FOXP2: variants seen among roughly 807,000 people sequenced by gnomAD.
The protein encoded by FOXP2 is forkhead box P2.
In FOXP2, 12 loss-of-function variants were observed where a neutral mutation model predicts 115.8. That is an observed-to-expected ratio of 0.10 (90% CI 0.07 to 0.17). FOXP2 has a LOEUF of 0.17. Among genes scored for constraint, FOXP2 ranks in the 10% least tolerant of loss-of-function variants. The pLI, the probability that FOXP2 is intolerant of heterozygous loss-of-function variation, is 1.00. For missense variants in FOXP2, 629 were observed against 843.5 expected, an observed-to-expected ratio of 0.75 and a Z score of 3.15; for synonymous variants, 328 against 297.7, an observed-to-expected ratio of 1.10 and a Z score of -1.05.
chr7:114,646,827 A>C (rs529881993), intron 8 of FOXP2, among the ~76,000 whole-genome samples: 2 of 147,722 alleles, frequency 1.4e-5, no homozygotes, highest in East Asian at 1.9e-4. Context: ...TCGGTTATTC[A>C]AAAAAAGTTT....
At chr7:114,368,675 CACAT>C (rs1230950457) in intron 2 of FOXP2, among the ~76,000 whole-genome samples, 7 of 152,140 alleles carry the variant, frequency 4.6e-5, no homozygotes, top group Admixed American at 4.6e-4. Context: ...ACATTCCAGA[CACAT>C]ACACAGTTTC....
intron 1 of FOXP2, among the ~76,000 whole-genome samples, chr7:114,214,008 C>A (rs1188688794): frequency 2.0e-5 from 3 of 152,180 alleles, no homozygotes; most frequent in Non-Finnish European, 4.4e-5. Context: ...TAGGATACTA[C>A]CACAAATTTC....
intron 1 of FOXP2, among the ~76,000 whole-genome samples, chr7:114,148,045 A>G (rs796760740): frequency 2.6e-5 from 4 of 152,326 alleles, no homozygotes; most frequent in African/African-American, 9.6e-5. Flanking sequence ...CAGAGAGGCC[A>G]AGACTATTAG....
At chr7:114,658,025 T>C (rs1554440645) in intron 10 of FOXP2, 41 bp from the exon 11 acceptor site, 1 of 1,609,560 alleles carries the variant, frequency 6.2e-7, no homozygotes, top group South Asian at 1.1e-5. Flanking sequence ...CTTTTTCTCT[T>C]GTCTCTACCT....
At chr7:114,103,960 A>C (rs918034016) in intron 1 of FOXP2, among the ~76,000 whole-genome samples, 1 of 151,804 alleles carries the variant, frequency 6.6e-6, no homozygotes, top group South Asian at 2.1e-4. Context: ...TATCATTTTA[A>C]GGCTCAGAAG....
At chr7:114,682,270 C>A (rs1015080676) in intron 16 of FOXP2, among the ~76,000 whole-genome samples, 1 of 152,034 alleles carries the variant, frequency 6.6e-6, no homozygotes, top group East Asian at 1.9e-4. Context: ...TGCTGCGTGA[C>A]TAAATATTAT....
At chr7:114,157,172 C>G (rs976229059) in intron 1 of FOXP2, among the ~76,000 whole-genome samples, 4 of 152,044 alleles carry the variant, frequency 2.6e-5, no homozygotes, top group Non-Finnish European at 4.4e-5. Flanking sequence ...AATAAAGTTA[C>G]ATTGTTAAGA....
rs2129355671 is a variant in FOXP2 at position 114,692,440 on chromosome 7, T to C, written c.*2514T>C. ...AGATTTTAGGTTTTTTGGAGTTTCC[T>C]GAAATGCTTGGTCTGTATTTTGATA... On this transcript the variant is annotated 3_prime_UTR_variant, in exon 17 of 17. Transcript: ENST00000350908. The C allele has an allele frequency of 2.2e-6, 1 of 450,172 alleles. No individual in the cohort carries two copies. The highest frequency in any genetic ancestry group is 4.4e-6 in the Non-Finnish European group (1 of 225,528). The allele number at this position is 450,172 out of a possible 1,614,324, so 27.9% of individuals were successfully genotyped here. A position where few individuals can be genotyped will look rare whatever the true frequency, so the allele number is the denominator to read the frequency against.
At chr7:114,328,119 C>G (rs995592610) in intron 2 of FOXP2, among the ~76,000 whole-genome samples, 7 of 151,468 alleles carry the variant, frequency 4.6e-5, no homozygotes, top group African/African-American at 1.5e-4. Context: ...GGGGTTTTGC[C>G]ATGTTTCCCA....
chr7:114,433,028 A>G (rs573750641), intron 2 of FOXP2, among the ~76,000 whole-genome samples: 149 of 152,116 alleles, frequency 9.8e-4, no homozygotes, highest in Non-Finnish European at 1.7e-3. Flanking sequence ...GTCAAGCTGT[A>G]GCTTGAAAAA....
At chr7:114,478,951 A>G (rs532232320) in intron 2 of FOXP2, among the ~76,000 whole-genome samples, 18 of 151,808 alleles carry the variant, frequency 1.2e-4, no homozygotes, top group South Asian at 4.1e-4. Context: ...AAATTATGTT[A>G]TAGGGAAAGT....
chr7:114,456,430 G>C (rs928442915), intron 2 of FOXP2, among the ~76,000 whole-genome samples: 33 of 152,212 alleles, frequency 2.2e-4, no homozygotes, highest in African/African-American at 7.5e-4. Flanking sequence ...GTTTTACCTT[G>C]GGTCTTTTGC....
intron 2 of FOXP2, among the ~76,000 whole-genome samples, chr7:114,348,733 A>C (rs181713543): frequency 1.1e-4 from 17 of 152,200 alleles, no homozygotes. Context: ...AAATTCTATA[A>C]AGTATGCTTA....
chr7:114,563,449 C>T (rs1342331246), intron 3 of FOXP2, among the ~76,000 whole-genome samples: 1 of 152,146 alleles, frequency 6.6e-6, no homozygotes, highest in South Asian at 2.1e-4. Context: ...AAAACTCTGG[C>T]TGCATATTGT....
chr7:114,103,776 C>T (rs776260702), intron 1 of FOXP2, among the ~76,000 whole-genome samples: 1 of 151,904 alleles, frequency 6.6e-6, no homozygotes, highest in East Asian at 1.9e-4. Flanking sequence ...AAAATAATTT[C>T]ATTTTTTCCC....
intron 3 of FOXP2, among the ~76,000 whole-genome samples, chr7:114,547,823 C>G (rs1267555375): frequency 6.6e-6 from 1 of 152,138 alleles, no homozygotes; most frequent in Non-Finnish European, 1.5e-5. Flanking sequence ...TATCAAGAAA[C>G]TATACTTCCT....
chr7:114,211,626 A>C (rs780904105), intron 1 of FOXP2, among the ~76,000 whole-genome samples: 3 of 152,108 alleles, frequency 2.0e-5, no homozygotes, highest in Non-Finnish European at 2.9e-5. Context: ...GTTGTCTTCT[A>C]TTTCTTCTAA....
chr7:114,339,129 T>G (rs1791131405), intron 2 of FOXP2, among the ~76,000 whole-genome samples: 1 of 151,220 alleles, frequency 6.6e-6, no homozygotes, highest in Admixed American at 6.6e-5. Context: ...AATTTTACTA[T>G]CTACTGTTGA....
chr7:114,279,219 G>T (rs950316679), intron 1 of FOXP2, among the ~76,000 whole-genome samples: 2 of 152,056 alleles, frequency 1.3e-5, no homozygotes, highest in African/African-American at 4.8e-5. Context: ...AAACATTAAC[G>T]TGTAGAGGAT....
Sources: gnomAD v4.1 joint callset for allele counts (sites outside exome capture counted in the v4.1 genomes callset) on GRCh38, gnomAD v4.1.1 for gene constraint, MANE v1.5 for transcripts, NCBI Gene and HGNC (gene_info 2026-07-23, HGNC 2026-07-21) for gene names.